RBMS3: variants seen among roughly 807,000 people sequenced by gnomAD.
RBMS3 encodes RNA binding motif single stranded interacting protein 3, also known as RNA-binding motif, single-stranded-interacting protein 3.
A neutral mutation model predicts 66.8 loss-of-function variants in RBMS3; 27 were observed. The observed-to-expected ratio is 0.40, with a 90% CI of 0.30 to 0.56. The LOEUF (loss-of-function observed/expected upper bound fraction) is 0.56. Among genes scored for constraint, RBMS3 ranks in the 20% least tolerant of loss-of-function variants. RBMS3 has a pLI of 0.40. For missense variants in RBMS3, 513 were observed against 549.5 expected (o/e 0.93, Z 0.66); for synonymous variants, 188 against 183.0 (o/e 1.03, Z -0.22).
chr3:29,776,652 T>C (rs1409581829), intron 6 of RBMS3, among the ~76,000 whole-genome samples: 1 of 152,022 alleles, frequency 6.6e-6, no homozygotes, highest in Admixed American at 6.6e-5. Flanking sequence ...GCATTATTAG[T>C]GGCATCTGTT....
At chr3:29,782,187 T>G (rs1269679054) in intron 6 of RBMS3, among the ~76,000 whole-genome samples, 1 of 152,086 alleles carries the variant, frequency 6.6e-6, no homozygotes, top group African/African-American at 2.4e-5. Flanking sequence ...GCTGACGCGC[T>G]CTTGAAAGCT....
chr3:29,610,382 CCT>C (rs2048454325), intron 4 of RBMS3, among the ~76,000 whole-genome samples: 1 of 152,002 alleles, frequency 6.6e-6, no homozygotes, highest in Admixed American at 6.6e-5. Flanking sequence ...CTCTCACCAC[CCT>C]CTGTTACCCA....
rs771458059 is a variant in RBMS3 at position 29,736,782 on chromosome 3, ACT to A, written c.400-2936_400-2935del. Among the ~76,000 whole-genome samples the A allele has an allele frequency of 9.9e-5, 15 of 152,246 alleles. No individual in the cohort carries two copies. The East Asian group carries it at 2.3e-3, about 24-fold the overall frequency. ...AATTCTGATTCTTCCCAGTAAAAAGACTCAGTCTGGTGCTAGTGTGCTTCTAA... is the reference window on the plus strand; with the variant it reads ...AATTCTGATTCTTCCCAGTAAAAAGACAGTCTGGTGCTAGTGTGCTTCTAA... On this transcript the variant is annotated intron_variant, in intron 4 of 14. Coordinates refer to ENST00000383767, the MANE Select transcript of RBMS3 (RefSeq NM_001003793.3).
chr3:29,561,586 G>A (rs1173924634), intron 3 of RBMS3, among the ~76,000 whole-genome samples: 1 of 152,090 alleles, frequency 6.6e-6, no homozygotes, highest in African/African-American at 2.4e-5. Context: ...CTGAGTAGCT[G>A]GGATTACAGG....
intron 3 of RBMS3, among the ~76,000 whole-genome samples, chr3:29,522,023 T>G (rs1024888209): frequency 1.3e-5 from 2 of 152,192 alleles, no homozygotes; most frequent in African/African-American, 4.8e-5. Context: ...TCCAGTTCAT[T>G]TTACAAGACC....
rs1265286069 is a variant in RBMS3 at position 29,898,731 on chromosome 3, A to ATGTGTGTGTGTGTGTG, written c.889-970_889-969insTGTGTGTGTGTGTGTG. Among the ~76,000 whole-genome samples, 437 of 112,278 alleles carry ATGTGTGTGTGTGTGTG rather than the reference A, an allele frequency of 3.9e-3. 1 individual carries two copies. The highest frequency in any genetic ancestry group is 0.017 in the African/African-American group (406 of 23,940). The allele number at this position is 112,278 out of a possible 152,430, so 73.7% of individuals were successfully genotyped here. A position where few individuals can be genotyped will look rare whatever the true frequency, so the allele number is the denominator to read the frequency against. ...CTTCCTGCAGGCCTGCCTGGTTGTA[A>ATGTGTGTGTGTGTGTG]TGTGCGTGTGTGTGTGTGTGTGTGT... On this transcript the variant is annotated intron_variant, in intron 9 of 14. Coordinates refer to ENST00000383767, the MANE Select transcript of RBMS3 (RefSeq NM_001003793.3).
At chr3:29,961,898 A>G (rs1420264546) in intron 12 of RBMS3, among the ~76,000 whole-genome samples, 1 of 150,956 alleles carries the variant, frequency 6.6e-6, no homozygotes, top group African/African-American at 2.4e-5. Context: ...GACAGTAGAC[A>G]TTTTAGTCTT....
At position 29,887,322 on chromosome 3, in the gene RBMS3, G is replaced by T. The variant is rs188361262; in HGVS notation, c.791+3114G>T. The stretch of plus-strand genomic sequence containing the variant: ...CCCCACCCAAATCTCATCTCTAATT[G>T]TCATCCTCATAATCCCCATGTGTCA... On this transcript the variant is annotated intron_variant, in intron 8 of 14. Coordinates refer to ENST00000383767, the MANE Select transcript of RBMS3 (RefSeq NM_001003793.3). Among the ~76,000 whole-genome samples, 12 of 151,904 alleles carry T rather than the reference G, an allele frequency of 7.9e-5. No homozygotes were observed. The East Asian group carries it at 1.4e-3, about 17-fold the overall frequency.
At chr3:29,589,393 T>C (rs1320949530) in intron 4 of RBMS3, among the ~76,000 whole-genome samples, 1 of 152,086 alleles carries the variant, frequency 6.6e-6, no homozygotes, top group Admixed American at 6.6e-5. Flanking sequence ...GTACAAAAAA[T>C]GAGATTCCAA....
chr3:29,337,389 A>G (rs1447056838), intron 1 of RBMS3, among the ~76,000 whole-genome samples: 1 of 152,148 alleles, frequency 6.6e-6, no homozygotes, highest in Non-Finnish European at 1.5e-5. Context: ...CTATAATCCC[A>G]GCACTTTGGG....
intron 2 of RBMS3, among the ~76,000 whole-genome samples, chr3:29,457,529 C>T (rs1022217641): frequency 6.6e-6 from 1 of 152,088 alleles, no homozygotes. Flanking sequence ...CGAGACTAGC[C>T]TGGTCAACAT....
chr3:29,768,427 T>C (rs1215102846), intron 6 of RBMS3, among the ~76,000 whole-genome samples: 1 of 151,852 alleles, frequency 6.6e-6, no homozygotes, highest in African/African-American at 2.4e-5. Context: ...TAAATCTTTG[T>C]ATGAGAAGCT....
chr3:29,395,508 T>A (rs531767609), intron 1 of RBMS3, among the ~76,000 whole-genome samples: 7 of 152,334 alleles, frequency 4.6e-5, no homozygotes, highest in African/African-American at 1.7e-4. Flanking sequence ...CAAAATGCTC[T>A]TAATGCTGGA....
At chr3:29,477,594 A>G (rs1193802442) in intron 2 of RBMS3, among the ~76,000 whole-genome samples, 3 of 152,148 alleles carry the variant, frequency 2.0e-5, no homozygotes, top group Admixed American at 6.5e-5. Context: ...CACTGATACA[A>G]TTAATGATCC....
intron 1 of RBMS3, among the ~76,000 whole-genome samples, chr3:29,326,684 T>TA (rs1405160542): frequency 6.6e-6 from 1 of 152,010 alleles, no homozygotes; most frequent in Non-Finnish European, 1.5e-5. Context: ...GTTTTGTGAT[T>TA]AGTAAATATT....
chr3:29,953,817 C>T (rs1000232727), intron 12 of RBMS3, among the ~76,000 whole-genome samples: 2 of 151,806 alleles, frequency 1.3e-5, no homozygotes, highest in African/African-American at 4.8e-5. Context: ...TTTTAAGTTC[C>T]AAACACGAGT....
At chr3:29,329,103 C>T (rs892343238) in intron 1 of RBMS3, among the ~76,000 whole-genome samples, 6 of 151,968 alleles carry the variant, frequency 3.9e-5, no homozygotes, top group Non-Finnish European at 5.9e-5. Context: ...GCCACTATAC[C>T]GGGAAAATAT....
At chr3:29,697,463 A>T (rs2052331857) in intron 4 of RBMS3, among the ~76,000 whole-genome samples, 1 of 152,172 alleles carries the variant, frequency 6.6e-6, no homozygotes, top group Non-Finnish European at 1.5e-5. Context: ...CACCTATCTG[A>T]GCTACCTTGT....
chr3:29,937,015 C>T (rs1257757007), intron 11 of RBMS3, among the ~76,000 whole-genome samples: 1 of 151,822 alleles, frequency 6.6e-6, no homozygotes, highest in African/African-American at 2.4e-5. Context: ...GTTTTATTTT[C>T]GTAAATGTTA....
Sources: allele counts gnomAD v4.1 joint callset (sites outside exome capture counted in the v4.1 genomes callset), GRCh38; gene constraint gnomAD v4.1.1; transcripts MANE v1.5; gene names NCBI Gene and HGNC (gene_info 2026-07-23, HGNC 2026-07-21).